SYT12: variants seen among roughly 807,000 people sequenced by gnomAD.
SYT12 encodes the protein synaptotagmin-12.
Under a neutral mutation model 39.5 loss-of-function variants are expected in SYT12, and 27 were observed. The ratio of observed to expected loss-of-function variants is 0.68; its 90% CI spans 0.50 to 0.94. The LOEUF (loss-of-function observed/expected upper bound fraction) is 0.94, where lower values mean the gene tolerates loss of function less well. SYT12 is among the 40% of genes least tolerant of loss of function. The pLI, the probability that SYT12 is intolerant of heterozygous loss-of-function variation, is 0.00. For synonymous variants in SYT12, 233 were observed against 239.7 expected (o/e 0.97, Z 0.26); for missense variants, 536 against 572.6 (o/e 0.94, Z 0.65).
Position 67,024,921 on chromosome 11 carries a change from C to T in SYT12, c.-24+1461C>T, listed in dbSNP as rs182064507. Among the ~76,000 whole-genome samples, 284 of 152,332 alleles carry T rather than the reference C, an allele frequency of 1.9e-3. 2 individuals carry two copies. Among genetic ancestry groups the T allele is most frequent in the African/African-American group, 6.6e-3 (274 of 41,580 alleles). ...GAAGGCAGGGACAGAGGGCCCCTCT[C>T]CCCCGCCGAGGCACAACATTCATGG... On this transcript the variant is annotated intron_variant, in intron 1 of 7. Transcript: ENST00000527043.
intron 1 of SYT12, chr11:67,027,143 C>G (rs1330883437): frequency 6.6e-6 from 1 of 152,442 alleles, no homozygotes; most frequent in East Asian, 1.9e-4. Context: ...CGACCTCTCT[C>G]CCAGTTCTCT....
chr11:67,038,545 C>T (rs1228423138), intron 3 of SYT12, among the ~76,000 whole-genome samples: 1 of 152,132 alleles, frequency 6.6e-6, no homozygotes. Flanking sequence ...TGTGGCTGCT[C>T]CATCATCTCT....
At chr11:67,030,862 C>G (rs1950252132) in intron 2 of SYT12, 1 of 152,394 alleles carries the variant, frequency 6.6e-6, no homozygotes, top group Non-Finnish European at 1.5e-5. Context: ...GTCTTTTCTC[C>G]CTTTGTTCCT....
intron 5 of SYT12, 141 bp downstream of exon 5, chr11:67,043,994 C>A: frequency 1.2e-6 from 1 of 829,736 alleles, no homozygotes; most frequent in Non-Finnish European, 1.9e-6. Context: ...AGACCTGAGC[C>A]ACATCCGAGG....
rs373752685 is a variant in SYT12 at position 67,034,769 on chromosome 11, G to A, written c.159G>A (p.Pro53=). The A allele has an allele frequency of 1.2e-5, 19 of 1,602,236 alleles. No individual in the cohort carries two copies. The highest frequency in any genetic ancestry group is 7.0e-5 in the Admixed American group (4 of 56,866). The change falls in exon 3 of 8, where the codon CCG becomes CCA. Residue 53 remains proline, a synonymous_variant. Transcript: ENST00000527043. ...WTSGSFPSPS[P]FPNYDYRYLQ... The stretch of plus-strand genomic sequence containing the variant: ...CGGGGAGCTTCCCCAGCCCCTCTCC[G>A]TTCCCCAATTACGACTACAGGTACC...
At chr11:67,045,703 G>A in intron 6 of SYT12, 41 bp from the exon 7 acceptor site, 1 of 1,606,542 alleles carries the variant, frequency 6.2e-7, no homozygotes, top group South Asian at 1.1e-5. Flanking sequence ...GCTGTGGTGA[G>A]TGAGTGTGAC....
intron 3 of SYT12, among the ~76,000 whole-genome samples, chr11:67,035,515 T>TG (rs1430362316): frequency 4.5e-4 from 67 of 148,390 alleles, no homozygotes; most frequent in Admixed American, 1.1e-3. Context: ...TGGAGTGCAG[T>TG]GGGGCAATCT....
At position 67,037,549 on chromosome 11, in the gene SYT12, A is replaced by AAAATAAATAAAT. The variant is rs34631289; in HGVS notation, c.229-2234_229-2223dup. ...AACAAAGCAAGATCTCATCTCTACC[A>AAAATAAATAAAT]AAATAAATAAATAAATAAATAAATA... On this transcript the variant is annotated intron_variant, in intron 3 of 7. Coordinates refer to ENST00000527043, the MANE Select transcript of SYT12 (RefSeq NM_177963.4). Among the ~76,000 whole-genome samples, 1,012 of 145,858 alleles carry AAAATAAATAAAT rather than the reference A, an allele frequency of 6.9e-3. 18 individuals are homozygous for AAAATAAATAAAT. Among genetic ancestry groups the AAAATAAATAAAT allele is most frequent in the African/African-American group, 0.023 (887 of 39,102 alleles).
intron 7 of SYT12, among the ~76,000 whole-genome samples, chr11:67,047,854 C>T (rs1286343874): frequency 8.0e-6 from 1 of 125,092 alleles, no homozygotes; most frequent in African/African-American, 3.0e-5. Flanking sequence ...GTGGCGCTGT[C>T]TTGGCTCACT....
chr11:67,021,323 C>CT (rs369425531), upstream of SYT12, among the ~76,000 whole-genome samples: 1,806 of 145,726 alleles, frequency 0.012, 25 homozygotes, highest in African/African-American at 0.034. Flanking sequence ...CTCAACTTTG[C>CT]TTTTTTTTTT....
chr11:67,046,088 G>T (rs941983079), intron 7 of SYT12, among the ~76,000 whole-genome samples: 2 of 152,076 alleles, frequency 1.3e-5, no homozygotes, highest in Non-Finnish European at 2.9e-5. Context: ...CAAGGGACAG[G>T]CAGGAGAGTC....
chr11:67,030,995 C>T (rs1159785998), intron 2 of SYT12: 2 of 152,228 alleles, frequency 1.3e-5, no homozygotes, highest in Admixed American at 6.5e-5. Context: ...AACGCAGCCC[C>T]TGGGGAGCCC....
chr11:67,050,620 G>A lies in SYT12; in HGVS notation c.*1863G>A, dbSNP rs1217287355. ...GGCTGGACAAGGCTTTGCAGCCTGG[G>A]AGACCCCGACTTTCTCTAACCCAGT... On this transcript the variant is annotated 3_prime_UTR_variant, in exon 8 of 8. Coordinates refer to ENST00000527043, the MANE Select transcript of SYT12 (RefSeq NM_177963.4). 1 of 152,580 alleles carries A rather than the reference G, an allele frequency of 6.6e-6. No individual in the cohort carries two copies. Among genetic ancestry groups the A allele is most frequent in the African/African-American group, 2.4e-5 (1 of 41,446 alleles). 9.5% of individuals were successfully genotyped at this position (152,580 alleles called of 1,614,324 possible). A position where few individuals can be genotyped will look rare whatever the true frequency, so the allele number is the denominator to read the frequency against.
chr11:67,009,323 CTTTTTTTT>C (rs1415463631), intron 1 of SYT12, among the ~76,000 whole-genome samples: 1 of 151,098 alleles, frequency 6.6e-6, no homozygotes, highest in African/African-American at 2.4e-5. Flanking sequence ...GATTTTTTTT[CTTTTTTTT>C]GAAAAAGGCT....
At position 67,034,784 on chromosome 11, in the gene SYT12, C is replaced by T; in HGVS notation, c.174C>T (p.Asp58=). Residue 58 remains aspartate (D), a synonymous_variant, in exon 3 of 8, where the codon GAC becomes GAT. Coordinates refer to ENST00000527043, the MANE Select transcript of SYT12 (RefSeq NM_177963.4). ...FPSPSPFPNY[D]YRYLQQKYGE... is the part of the protein sequence containing the mutation. Reference sequence around the variant, plus strand: ...GCCCCTCTCCGTTCCCCAATTACGACTACAGGTACCTTCAGCAGAAGTACG... The same window carrying T: ...GCCCCTCTCCGTTCCCCAATTACGATTACAGGTACCTTCAGCAGAAGTACG... 6.3e-7 allele frequency: 1 copy of T among 1,595,772 alleles called. No homozygotes were observed. Among genetic ancestry groups the T allele is most frequent in the South Asian group, 1.1e-5 (1 of 88,284 alleles).
intron 3 of SYT12, among the ~76,000 whole-genome samples, chr11:67,016,899 C>G (rs1206454201): frequency 6.6e-6 from 1 of 152,212 alleles, no homozygotes; most frequent in Non-Finnish European, 1.5e-5. Context: ...TCTGCCTCAA[C>G]AGCACCAGCG....
At chr11:67,038,993 T>TAAAC (rs555125973) in intron 3 of SYT12, among the ~76,000 whole-genome samples, 1 of 127,632 alleles carries the variant, frequency 7.8e-6, no homozygotes, top group African/African-American at 4.1e-5. Flanking sequence ...TCTCAAAAAA[T>TAAAC]AAATAAATAA....
rs1468357931 is a variant in SYT12 at position 67,035,792 on chromosome 11, TCCTTCCTTCCTTCCTTCCTTC to T, written c.228+956_228+976del. ...TTCTTTTCTTTTCTTTTCTTTTCTT[TCCTTCCTTCCTTCCTTCCTTC>T]CTTCCTTCCTTCCTTCCTTCCTTCC... On this transcript the variant is annotated intron_variant, in intron 3 of 7. Coordinates refer to ENST00000527043, the MANE Select transcript of SYT12 (RefSeq NM_177963.4). 5.2e-3 allele frequency among the ~76,000 whole-genome samples: 224 copies of T among 43,220 alleles called. 10 individuals are homozygous for T. The highest frequency in any genetic ancestry group is 0.015 in the African/African-American group (209 of 14,224). 28.4% of individuals were successfully genotyped at this position (43,220 alleles called of 152,430 possible).
intron 3 of SYT12, among the ~76,000 whole-genome samples, chr11:67,037,862 ACAGAGCGAGGCTCCCCCT>A (rs1950412499): frequency 6.7e-6 from 1 of 149,808 alleles, no homozygotes; most frequent in African/African-American, 2.5e-5. Context: ...AGCCTGGGCG[ACAGAGCGAGGCTCCCCCT>A]CAGAAAAAAA....
Sources: allele counts gnomAD v4.1 joint callset (sites outside exome capture counted in the v4.1 genomes callset), GRCh38; gene constraint gnomAD v4.1.1; transcripts MANE v1.5; gene names NCBI Gene and HGNC (gene_info 2026-07-23, HGNC 2026-07-21).